QKI: variants seen among roughly 807,000 people sequenced by gnomAD.
The protein encoded by QKI is KH domain-containing RNA-binding protein QKI.
In QKI, 10 loss-of-function variants were observed where a neutral mutation model predicts 39.0. That is an observed-to-expected ratio of 0.26 (90% CI 0.16 to 0.43). QKI has a LOEUF of 0.43. Ranked by LOEUF, QKI falls within the 20% of genes least tolerant of loss-of-function variation. The pLI is 1.00. For missense variants in QKI, 218 were observed against 428.0 expected (o/e 0.51, Z 4.33); for synonymous variants, 204 against 155.4 (o/e 1.31, Z -2.33).
At chr6:163,459,993 T>C (rs1791225875) in intron 2 of QKI, among the ~76,000 whole-genome samples, 1 of 152,248 alleles carries the variant, frequency 6.6e-6, no homozygotes. Flanking sequence ...ATATTTTGAA[T>C]GAGTCAGTAA....
intron 2 of QKI, among the ~76,000 whole-genome samples, chr6:163,471,845 T>TA (rs918900616): frequency 2.9e-4 from 5 of 17,004 alleles, no homozygotes; most frequent in Non-Finnish European, 1.0e-3. Context: ...ATTTAGATGA[T>TA]TTTTACAGGA....
chr6:163,485,055 A>G (rs1009279079), intron 3 of QKI, among the ~76,000 whole-genome samples: 2 of 152,214 alleles, frequency 1.3e-5, no homozygotes, highest in Non-Finnish European at 2.9e-5. Context: ...AAGACCAAAT[A>G]TATTTATTTC....
intron 1 of QKI, among the ~76,000 whole-genome samples, chr6:163,447,249 ATT>A (rs4038332): frequency 0.017 from 2,066 of 120,150 alleles, 33 homozygotes; most frequent in African/African-American, 0.053. Flanking sequence ...GGTGCACGTG[ATT>A]TTTTTTTTTT....
chr6:163,561,129 C>T (rs981453716), intron 4 of QKI, among the ~76,000 whole-genome samples: 5 of 152,240 alleles, frequency 3.3e-5, no homozygotes, highest in Middle Eastern at 3.4e-3. Context: ...GCAGAATATA[C>T]GGTTTTTTAG....
intron 3 of QKI, among the ~76,000 whole-genome samples, chr6:163,501,545 T>C (rs1277726394): frequency 1.3e-5 from 2 of 152,240 alleles, no homozygotes. Flanking sequence ...CCATGCAAGC[T>C]AGCCTGAATA....
At chr6:163,564,663 A>G (rs1783243956) in intron 6 of QKI, 2 of 1,613,786 alleles carry the variant, frequency 1.2e-6, no homozygotes, top group Non-Finnish European at 1.7e-6. Flanking sequence ...CCTTTTTTTT[A>G]TAGAGTGGAT....
At chr6:163,511,617 T>C (rs1779484926) in intron 3 of QKI, among the ~76,000 whole-genome samples, 1 of 151,992 alleles carries the variant, frequency 6.6e-6, no homozygotes, top group African/African-American at 2.4e-5. Context: ...AAATAAATTC[T>C]TTGGAAAACA....
intron 1 of QKI, among the ~76,000 whole-genome samples, chr6:163,452,769 C>T (rs1790666551): frequency 6.6e-6 from 1 of 152,004 alleles, no homozygotes; most frequent in African/African-American, 2.4e-5. Context: ...CTCTTGTTGC[C>T]CGGGCTGGAG....
intron 4 of QKI, among the ~76,000 whole-genome samples, chr6:163,553,591 G>A (rs1416096311): frequency 6.6e-6 from 1 of 151,810 alleles, no homozygotes; most frequent in Non-Finnish European, 1.5e-5. Context: ...GTATGTAGCC[G>A]GAGTTGTGAA....
chr6:163,541,167 G>T (rs1208334249), intron 4 of QKI, among the ~76,000 whole-genome samples: 2 of 151,752 alleles, frequency 1.3e-5, no homozygotes, highest in Non-Finnish European at 2.9e-5. Flanking sequence ...ATTATGCTGC[G>T]TTTTTATTAT....
At position 163,522,551 on chromosome 6, in the gene QKI, C is replaced by T. The variant is rs1184010681; in HGVS notation, c.403-12431C>T. 3.3e-5 allele frequency among the ~76,000 whole-genome samples: 5 copies of T among 151,902 alleles called. No individual in the cohort carries two copies. In the East Asian group the frequency reaches 7.7e-4, roughly 23 times the overall value. ...GAGTAACCAGTTCTTTTCATTTTGT[C>T]TCTATTCTCCAGTGAGCAAATGAAA... On this transcript the variant is annotated intron_variant, in intron 3 of 7. Transcript: ENST00000361752.
chr6:163,540,198 T>A (rs539176701), intron 4 of QKI, among the ~76,000 whole-genome samples: 1 of 152,220 alleles, frequency 6.6e-6, no homozygotes, highest in South Asian at 2.1e-4. Context: ...TTGTTAGGTG[T>A]TGTATAGCAA....
At chr6:163,455,467 A>T in intron 2 of QKI, 46 bp downstream of exon 2, 1 of 1,541,454 alleles carries the variant, frequency 6.5e-7, no homozygotes, top group Non-Finnish European at 8.9e-7. Context: ...TGCTTCACAT[A>T]TGTTGGGAAG....
intron 3 of QKI, among the ~76,000 whole-genome samples, chr6:163,517,793 C>T (rs1033474292): frequency 6.6e-6 from 1 of 152,086 alleles, no homozygotes; most frequent in African/African-American, 2.4e-5. Flanking sequence ...TAACTTTTTT[C>T]CCTAAATAGT....
At chr6:163,438,919 AAAATAC>A (rs1436032618) in intron 1 of QKI, among the ~76,000 whole-genome samples, 3 of 152,256 alleles carry the variant, frequency 2.0e-5, no homozygotes, top group Non-Finnish European at 4.4e-5. Context: ...ATTACAGTTT[AAAATAC>A]AAATACATTA....
chr6:163,553,188 G>A (rs945536883), intron 4 of QKI, among the ~76,000 whole-genome samples: 1 of 150,976 alleles, frequency 6.6e-6, no homozygotes, highest in East Asian at 2.0e-4. Flanking sequence ...ACTGCAACCT[G>A]CACCTCCTGG....
intron 1 of QKI, among the ~76,000 whole-genome samples, chr6:163,431,541 G>A (rs890604869): frequency 1.3e-5 from 2 of 152,038 alleles, no homozygotes; most frequent in Non-Finnish European, 2.9e-5. Context: ...AGGTGAAGAG[G>A]AATTAGTAAA....
At position 163,571,846 on chromosome 6, in the gene QKI, A is replaced by C. The variant is rs1272665075; in HGVS notation, c.*1136A>C. On this transcript the variant is annotated 3_prime_UTR_variant, in exon 8 of 8. Transcript: ENST00000361752. ...TTTTTATTTTTTAAGTATTGGAATA[A>C]GTCTAAAGAAAAGAAAGTGCCTTAT... The C allele has an allele frequency of 6.6e-6, 1 of 152,156 alleles. No homozygotes were observed. Among genetic ancestry groups the C allele is most frequent in the Non-Finnish European group, 1.5e-5 (1 of 68,004 alleles). The allele number at this position is 152,156 out of a possible 1,614,324, so 9.4% of individuals were successfully genotyped here. A position where few individuals can be genotyped will look rare whatever the true frequency, so the allele number is the denominator to read the frequency against.
At chr6:163,546,429 T>C (rs1781879788) in intron 4 of QKI, among the ~76,000 whole-genome samples, 1 of 152,018 alleles carries the variant, frequency 6.6e-6, no homozygotes, top group Non-Finnish European at 1.5e-5. Flanking sequence ...GCCTGTGTTT[T>C]AACTCATATT....
Sources: gnomAD v4.1 joint callset for allele counts (sites outside exome capture counted in the v4.1 genomes callset) on GRCh38, gnomAD v4.1.1 for gene constraint, MANE v1.5 for transcripts, NCBI Gene and HGNC (gene_info 2026-07-23, HGNC 2026-07-21) for gene names.